The following GRAMD4 variants were observed in gnomAD, a reference collection of about 807,000 sequenced individuals.
GRAMD4 encodes GRAM domain containing 4.
Under a neutral mutation model 83.9 loss-of-function variants are expected in GRAMD4, and 25 were observed. That is an observed-to-expected ratio of 0.30 (90% CI 0.22 to 0.42). The LOEUF (loss-of-function observed/expected upper bound fraction) is 0.42. GRAMD4 is among the 10% of genes least tolerant of loss of function. The pLI, the probability that GRAMD4 is intolerant of heterozygous loss-of-function variation, is 1.00. For missense variants in GRAMD4, 593 were observed against 788.7 expected (o/e 0.75, Z 2.97); for synonymous variants, 336 against 320.9 (o/e 1.05, Z -0.50).
At chr22:46,638,698 C>T (rs2081927707) in intron 3 of GRAMD4, among the ~76,000 whole-genome samples, 2 of 152,224 alleles carry the variant, frequency 1.3e-5, no homozygotes, top group Non-Finnish European at 2.9e-5. Flanking sequence ...TTCCTGCCAG[C>T]AACCCTGCTG....
intron 1 of GRAMD4, among the ~76,000 whole-genome samples, chr22:46,625,858 C>T (rs1177358172): frequency 3.9e-5 from 6 of 152,246 alleles, no homozygotes; most frequent in African/African-American, 4.8e-5. Flanking sequence ...ACGGCACATC[C>T]GCCCTTTGGC....
intron 3 of GRAMD4, among the ~76,000 whole-genome samples, chr22:46,648,489 A>T (rs1031432449): frequency 6.7e-6 from 1 of 149,828 alleles, no homozygotes; most frequent in Non-Finnish European, 1.5e-5. Flanking sequence ...GAGTGGATGG[A>T]TGGATGAATG....
Position 46,673,038 on chromosome 22 carries a change from G to A in GRAMD4, c.1239+41G>A, listed in dbSNP as rs135662. On this transcript the variant is annotated intron_variant, in intron 14 of 18. Coordinates refer to ENST00000406902, the MANE Select transcript of GRAMD4 (RefSeq NM_015124.5). ...AGCTGCGGGGATGGGGGGATGGGGGGCCACGAAGCCGGGCATCCCCAGGCC... is the reference window on the plus strand; with the variant it reads ...AGCTGCGGGGATGGGGGGATGGGGGACCACGAAGCCGGGCATCCCCAGGCC... 29 of 1,509,326 alleles carry A rather than the reference G, an allele frequency of 1.9e-5. No individual in the cohort carries two copies. The South Asian group carries it at 2.2e-4, about 11-fold the overall frequency. 93.5% of individuals were successfully genotyped at this position (1,509,326 alleles called of 1,614,324 possible).
intron 1 of GRAMD4, among the ~76,000 whole-genome samples, chr22:46,586,428 G>A (rs1211552709): frequency 1.3e-5 from 2 of 152,002 alleles, no homozygotes; most frequent in African/African-American, 4.8e-5. Context: ...CCCCTCCTCT[G>A]TCTGCCCTCC....
At chr22:46,629,117 C>T (rs555246242) in intron 2 of GRAMD4, among the ~76,000 whole-genome samples, 7 of 152,152 alleles carry the variant, frequency 4.6e-5, no homozygotes, top group Middle Eastern at 3.4e-3. Flanking sequence ...CTCAGGGACT[C>T]GGACGTCTGG....
intron 3 of GRAMD4, among the ~76,000 whole-genome samples, chr22:46,648,629 A>G (rs1040026035): frequency 1.1e-4 from 17 of 151,804 alleles, no homozygotes; most frequent in Admixed American, 9.2e-4. Context: ...GGATAGATGG[A>G]TGCATCAATG....
intron 3 of GRAMD4, among the ~76,000 whole-genome samples, chr22:46,646,089 TTTC>T (rs2082068536): frequency 6.6e-6 from 1 of 152,206 alleles, no homozygotes; most frequent in Admixed American, 6.5e-5. Flanking sequence ...CGTGACTGCC[TTTC>T]TTCTTCCTGT....
intron 1 of GRAMD4, among the ~76,000 whole-genome samples, chr22:46,613,420 C>G (rs2081436948): frequency 6.6e-6 from 1 of 152,266 alleles, no homozygotes; most frequent in African/African-American, 2.4e-5. Context: ...GGGTCAGCCC[C>G]ATTCGGTGCT....
At chr22:46,612,741 C>T (rs1202061924) in intron 1 of GRAMD4, among the ~76,000 whole-genome samples, 1 of 152,240 alleles carries the variant, frequency 6.6e-6, no homozygotes, top group African/African-American at 2.4e-5. Context: ...GGCTGGATCA[C>T]GGATGGGAGC....
chr22:46,618,226 C>G (rs770688155), upstream of GRAMD4, among the ~76,000 whole-genome samples: 4 of 152,114 alleles, frequency 2.6e-5, no homozygotes, highest in Non-Finnish European at 5.9e-5. The surrounding 1 kb of genome is among the most constrained non-coding windows in gnomAD (Gnocchi z 5.8). Flanking sequence ...TGAGCATCAC[C>G]GGCAGAGCCG....
At chr22:46,675,423 T>C in intron 16 of GRAMD4, 45 bp from the exon 17 acceptor site, 1 of 1,370,340 alleles carries the variant, frequency 7.3e-7, no homozygotes. Flanking sequence ...GGGAGCGTGC[T>C]CTGGTTCAAG....
Position 46,658,313 on chromosome 22 carries a change from G to A in GRAMD4, c.404+6G>A, listed in dbSNP as rs773171955. ...CAGGAGGTGCTGAAGGCCAGGTACC[G>A]CGCCTTCCTCGGGGCCCTGGCCTGT... On this transcript the variant is annotated splice_donor_region_variant and intron_variant, in intron 4 of 18. Coordinates refer to ENST00000406902, the MANE Select transcript of GRAMD4 (RefSeq NM_015124.5). 1.5e-5 allele frequency: 24 copies of A among 1,604,206 alleles called. No homozygotes were observed. The highest frequency in any genetic ancestry group is 1.2e-4 in the African/African-American group (9 of 74,702).
At position 46,675,458 on chromosome 22, in the gene GRAMD4, C is replaced by T. The variant is rs1392994441; in HGVS notation, c.1479-10C>T. ...GAGCCAGGCGACGCCTCTGTCCGTT[C>T]CCCTTCCAGTTACTTGTGCTTCGAA... On this transcript the variant is annotated splice_polypyrimidine_tract_variant and intron_variant, in intron 16 of 18. Transcript: ENST00000406902. 2 of 1,603,172 alleles carry T rather than the reference C, an allele frequency of 1.2e-6. No individual in the cohort carries two copies. Among genetic ancestry groups the T allele is most frequent in the Non-Finnish European group, 1.7e-6 (2 of 1,170,494 alleles).
intron 2 of GRAMD4, among the ~76,000 whole-genome samples, chr22:46,637,314 G>A (rs1304067315): frequency 1.3e-5 from 2 of 150,844 alleles, no homozygotes; most frequent in African/African-American, 4.9e-5. Context: ...GCACAGTGGC[G>A]CGATCTTGGC....
intron 1 of GRAMD4, among the ~76,000 whole-genome samples, chr22:46,587,440 G>A (rs980401582): frequency 2.6e-5 from 4 of 151,990 alleles, no homozygotes; most frequent in Admixed American, 6.6e-5. Flanking sequence ...GGCGGAGGCC[G>A]TTTGGGGTCC....
At chr22:46,649,019 C>T (rs2082127499) in intron 3 of GRAMD4, among the ~76,000 whole-genome samples, 2 of 152,032 alleles carry the variant, frequency 1.3e-5, no homozygotes, top group African/African-American at 4.8e-5. Context: ...CTGTTTCCTC[C>T]ACCAGGCATA....
chr22:46,587,870 G>T (rs747618344), intron 1 of GRAMD4: 2 of 981,560 alleles, frequency 2.0e-6, no homozygotes, highest in African/African-American at 1.7e-5. Context: ...AAGCCCGGGC[G>T]TCGGGGTGGG....
chr22:46,674,035 C>T (rs537533194), intron 15 of GRAMD4, among the ~76,000 whole-genome samples: 9 of 152,314 alleles, frequency 5.9e-5, no homozygotes, highest in Non-Finnish European at 8.8e-5. Context: ...GGAGAGCCGC[C>T]CACGCTGCAG....
At chr22:46,577,012 T>C (rs1453628701), upstream of GRAMD4, 2 of 143,368 alleles carry the variant, frequency 1.4e-5, no homozygotes, top group African/African-American at 5.0e-5. Flanking sequence ...GGGGCCGGGG[T>C]GGCGCGCGGG....
Sources: allele counts gnomAD v4.1 joint callset (sites outside exome capture counted in the v4.1 genomes callset), GRCh38; gene constraint gnomAD v4.1.1; non-coding constraint Gnocchi (gnomAD v3.1); transcripts MANE v1.5; gene names NCBI Gene and HGNC (gene_info 2026-07-23, HGNC 2026-07-21).